Variants in TMEM161B observed in about 807,000 individuals in gnomAD.
TMEM161B encodes the protein transmembrane protein 161B.
In TMEM161B, 34 loss-of-function variants were observed where a neutral mutation model predicts 61.8. The observed-to-expected ratio is 0.55, with a 90% confidence interval of 0.42 to 0.73. The LOEUF (loss-of-function observed/expected upper bound fraction) is 0.73. Among genes scored for constraint, TMEM161B ranks in the 30% least tolerant of loss-of-function variants. The pLI is 0.00. For missense variants in TMEM161B, 456 were observed against 558.5 expected, an observed-to-expected ratio of 0.82 and a Z score of 1.85; for synonymous variants, 167 against 192.8, an observed-to-expected ratio of 0.87 and a Z score of 1.11.
At chr5:88,219,203 T>C (rs1483154239) in intron 5 of TMEM161B, among the ~76,000 whole-genome samples, 1 of 152,234 alleles carries the variant, frequency 6.6e-6, no homozygotes, top group African/African-American at 2.4e-5. Flanking sequence ...ACATAAACAC[T>C]GAATACTGTT....
downstream of TMEM161B, among the ~76,000 whole-genome samples, chr5:88,192,016 ATATATATATATG>A (rs1561287451): frequency 3.4e-5 from 3 of 88,178 alleles, no homozygotes; most frequent in Non-Finnish European, 6.9e-5. Flanking sequence ...ATATATATAT[ATATATATATATG>A]TATATAGCCA....
chr5:88,241,489 C>G (rs1752728177), intron 1 of TMEM161B, among the ~76,000 whole-genome samples: 1 of 151,822 alleles, frequency 6.6e-6, no homozygotes, highest in African/African-American at 2.4e-5. Context: ...AAAGCGATTT[C>G]TTCATCCTTC....
chr5:88,185,824 C>G (rs1182349591), downstream of TMEM161B, among the ~76,000 whole-genome samples: 1 of 152,042 alleles, frequency 6.6e-6, no homozygotes, highest in Non-Finnish European at 1.5e-5. Context: ...AAAAAATGAA[C>G]AGAGCAACAA....
At chr5:88,199,227 C>A in intron 9 of TMEM161B, 77 bp from the exon 10 acceptor site, 1 of 1,396,590 alleles carries the variant, frequency 7.2e-7, no homozygotes, top group South Asian at 1.4e-5. Context: ...TAATGGTCAC[C>A]ATATAAGATA....
Position 88,199,069 on chromosome 5 carries a change from A to G in TMEM161B, c.996T>C (p.Ser332=), listed in dbSNP as rs143002306. 5 of 1,613,030 alleles carry G rather than the reference A, an allele frequency of 3.1e-6. No individual in the cohort carries two copies. The African/African-American group carries it at 6.7e-5, about 22-fold the overall frequency. Reference sequence around the variant, plus strand: ...CTAAATTTAAATAAGCTTGCAGGTGACTACGCATCATGGCCAACCGCAAAG... The same window carrying G: ...CTAAATTTAAATAAGCTTGCAGGTGGCTACGCATCATGGCCAACCGCAAAG... ...LCALRLAMMR[S]HLQAYLNLAQ... The change falls in exon 10 of 12, where the codon AGT becomes AGC. Residue 332 remains serine, a synonymous_variant. Transcript: ENST00000296595.
chr5:88,244,584 CTT>C (rs369319062), intron 1 of TMEM161B, among the ~76,000 whole-genome samples: 15 of 115,942 alleles, frequency 1.3e-4, no homozygotes, highest in Non-Finnish European at 1.7e-4. Flanking sequence ...TCCAGCTTTG[CTT>C]TTTTTTTTTT....
At chr5:88,249,723 C>T (rs1466594739) in intron 1 of TMEM161B, among the ~76,000 whole-genome samples, 1 of 152,058 alleles carries the variant, frequency 6.6e-6, no homozygotes, top group Non-Finnish European at 1.5e-5. Flanking sequence ...CCTTTTAAGA[C>T]AAAACTCACT....
At chr5:88,248,804 C>T (rs1242857993) in intron 1 of TMEM161B, among the ~76,000 whole-genome samples, 1 of 151,692 alleles carries the variant, frequency 6.6e-6, no homozygotes, top group Non-Finnish European at 1.5e-5. Context: ...ATATGTATAG[C>T]TTACCTACCA....
intron 6 of TMEM161B, 122 bp downstream of exon 6, chr5:88,206,907 C>CA: frequency 1.2e-6 from 1 of 820,980 alleles, no homozygotes. Flanking sequence ...TTGAACATTA[C>CA]AGAGTATACA....
At chr5:88,213,320 T>C (rs970227089) in intron 5 of TMEM161B, among the ~76,000 whole-genome samples, 7 of 152,094 alleles carry the variant, frequency 4.6e-5, no homozygotes, top group African/African-American at 2.4e-5. Flanking sequence ...AAAAATTTTT[T>C]AACAAAAATA....
rs1472013376 is a variant in TMEM161B, at chr5:88,225,803, T to C, written c.255A>G (p.Leu85=). 7 of 1,611,116 alleles carry C rather than the reference T, an allele frequency of 4.3e-6. No homozygotes were observed. Among genetic ancestry groups the C allele is most frequent in the African/African-American group, 1.3e-5 (1 of 74,800 alleles). ...CCACTTCTGTAACTGACTTTGTTTCTAGATGAAGGTCAATATCCTTTGGAA... is the reference window on the plus strand; with the variant it reads ...CCACTTCTGTAACTGACTTTGTTTCCAGATGAAGGTCAATATCCTTTGGAA... ...LTIPKDIDLH[L]ETKSVTEVDT... Residue 85 remains leucine (L), a synonymous_variant, in exon 4 of 12, where the codon CTA becomes CTG. Transcript: ENST00000296595.
At chr5:88,233,248 C>T (rs1455746766) in intron 2 of TMEM161B, among the ~76,000 whole-genome samples, 1 of 151,970 alleles carries the variant, frequency 6.6e-6, no homozygotes, top group Non-Finnish European at 1.5e-5. Flanking sequence ...ATTGTCATAC[C>T]ACATGAAAGA....
chr5:88,213,752 T>A (rs1197431953), intron 5 of TMEM161B, among the ~76,000 whole-genome samples: 1 of 152,156 alleles, frequency 6.6e-6, no homozygotes, highest in Non-Finnish European at 1.5e-5. Flanking sequence ...CTGAGTAATA[T>A]GACAGCATTA....
Position 88,199,114 on chromosome 5 carries a change from C to A in TMEM161B, c.951G>T (p.Trp317Cys), listed in dbSNP as rs554989470. 1 of 1,612,426 alleles carries A rather than the reference C, an allele frequency of 6.2e-7. No individual in the cohort carries two copies. Among genetic ancestry groups the A allele is most frequent in the Admixed American group, 1.7e-5 (1 of 59,748 alleles). The change falls in exon 10 of 12, where the codon TGG becomes TGT. Residue 317 changes from tryptophan (W) to cysteine (C), a missense_variant. Transcript: ENST00000296595. ...GCAAAGCACACAGCAGGATTATTAA[C>A]CAGAGTCGCAGAGTATCGAATGTGG... is the stretch of plus-strand genomic sequence containing the variant. Reference protein sequence around the residue: ...TEATFDTLRLWLIILLCALRL... With the variant: ...TEATFDTLRLCLIILLCALRL...
chr5:88,195,575 G>T lies in TMEM161B; in HGVS notation c.*636C>A. 3 of 985,266 alleles carry T rather than the reference G, an allele frequency of 3.0e-6. No individual in the cohort carries two copies. The highest frequency in any genetic ancestry group is 3.6e-6 in the Non-Finnish European group (3 of 829,692). 61.0% of individuals were successfully genotyped at this position (985,266 alleles called of 1,614,324 possible). ...TCATTTTAAAAGAACTCTCAAGTTG[G>T]GTGGAATATGTTTTAAAACAATACT... On this transcript the variant is annotated 3_prime_UTR_variant, in exon 12 of 12. Coordinates refer to ENST00000296595, the MANE Select transcript of TMEM161B (RefSeq NM_153354.5).
Position 88,207,186 on chromosome 5 carries a change from G to A in TMEM161B, c.447-6C>T, listed in dbSNP as rs774309118. 8 of 1,601,616 alleles carry A rather than the reference G, an allele frequency of 5.0e-6. No individual in the cohort carries two copies. In the Admixed American group the frequency reaches 1.2e-4, roughly 24 times the overall value. On this transcript the variant is annotated splice_region_variant and splice_polypyrimidine_tract_variant and intron_variant, in intron 5 of 11. Transcript: ENST00000296595. ...TTAATGAAAATAGAACTTTGCTGCA[G>A]AAGGAAAAGTTCAGGAAAAACCACA...
chr5:88,222,241 T>A (rs1392206361), intron 4 of TMEM161B, among the ~76,000 whole-genome samples: 2 of 152,130 alleles, frequency 1.3e-5, no homozygotes, highest in Non-Finnish European at 2.9e-5. Context: ...GGTAATTTTT[T>A]AATTTTTTGT....
chr5:88,214,865 A>G (rs1031803407), intron 5 of TMEM161B, among the ~76,000 whole-genome samples: 1 of 152,240 alleles, frequency 6.6e-6, no homozygotes, highest in African/African-American at 2.4e-5. Flanking sequence ...GCTGAGATGC[A>G]TGAACAACTC....
In TMEM161B at chr5:88,203,799, ATATATATATATATAT is replaced by A. The variant is rs1247977006; in HGVS notation, c.801-739_801-725del. Among the ~76,000 whole-genome samples the A allele has an allele frequency of 8.3e-4, 72 of 86,284 alleles. 1 individual carries two copies. Among genetic ancestry groups the A allele is most frequent in the South Asian group, 3.9e-3 (10 of 2,562 alleles). The allele number at this position is 86,284 out of a possible 152,430, so 56.6% of individuals were successfully genotyped here. ...TATATATATATATATATATATATAT[ATATATATATATATAT>A]AATTTGCATTACTCCTGACAAGGCA... On this transcript the variant is annotated intron_variant, in intron 8 of 11. Transcript: ENST00000296595.
Sources: gnomAD v4.1 joint callset for allele counts (sites outside exome capture counted in the v4.1 genomes callset) on GRCh38, gnomAD v4.1.1 for gene constraint, MANE v1.5 for transcripts, NCBI Gene and HGNC (gene_info 2026-07-23, HGNC 2026-07-21) for gene names.